The following RBFOX1 variants were observed in gnomAD, a reference collection of about 807,000 sequenced individuals.
RBFOX1 encodes the protein RNA binding fox-1 homolog 1, also known as RNA binding protein fox-1 homolog 1.
In RBFOX1, 8 loss-of-function variants were observed where a neutral mutation model predicts 57.7. The ratio of observed to expected loss-of-function variants is 0.14; its 90% CI spans 0.08 to 0.25. The LOEUF (loss-of-function observed/expected upper bound fraction) is 0.25. Among genes scored for constraint, RBFOX1 ranks in the 10% least tolerant of loss-of-function variants. RBFOX1 has a pLI of 1.00. For missense variants in RBFOX1, 611 were observed against 548.5 expected, an observed-to-expected ratio of 1.11 and a Z score of -1.14; for synonymous variants, 326 against 222.4, an observed-to-expected ratio of 1.47 and a Z score of -4.15.
At chr16:7,446,752 C>T (rs2098810921) in intron 4 of RBFOX1, among the ~76,000 whole-genome samples, 2 of 144,782 alleles carry the variant, frequency 1.4e-5, no homozygotes, top group Admixed American at 1.4e-4. Flanking sequence ...CCACTGTCAA[C>T]TTAAGCTCAC....
Position 6,869,193 on chromosome 16 carries a change from C to G in RBFOX1, c.-15-182864C>G, listed in dbSNP as rs554250309. Among the ~76,000 whole-genome samples the G allele has an allele frequency of 3.9e-5, 6 of 152,296 alleles. No individual in the cohort carries two copies. In the East Asian group the frequency reaches 1.2e-3, roughly 29 times the overall value. On this transcript the variant is annotated intron_variant, in intron 3 of 15. Transcript: ENST00000550418. ...CTGCTGCTTTGCACGCTCATCTCTT[C>G]CTTCCCCCACTTGCCATTATCAGCA...
chr16:7,399,165 G>T (rs999121309), intron 4 of RBFOX1, among the ~76,000 whole-genome samples: 10 of 152,130 alleles, frequency 6.6e-5, no homozygotes, highest in Non-Finnish European at 1.3e-4. Flanking sequence ...AAGCAATGTC[G>T]GGCCAGGTGC....
chr16:5,911,865 C>T (rs2058609894), intron 4 of RBFOX1, among the ~76,000 whole-genome samples: 1 of 152,154 alleles, frequency 6.6e-6, no homozygotes, highest in Non-Finnish European at 1.5e-5. Flanking sequence ...CCCATGGCCT[C>T]ATACCCTCCC....
At chr16:6,394,563 T>G (rs1200987374) in intron 2 of RBFOX1, among the ~76,000 whole-genome samples, 1 of 151,830 alleles carries the variant, frequency 6.6e-6, no homozygotes. Context: ...CGAGCTAGAA[T>G]AAGAGGAGAA....
intron 4 of RBFOX1, among the ~76,000 whole-genome samples, chr16:7,453,325 T>A (rs572125148): frequency 6.6e-6 from 1 of 151,926 alleles, no homozygotes; most frequent in South Asian, 2.1e-4. Context: ...TTAGTGAGTA[T>A]GAGGAATGGA....
intron 4 of RBFOX1, among the ~76,000 whole-genome samples, chr16:7,113,981 G>A (rs897703627): frequency 3.3e-5 from 5 of 152,066 alleles, no homozygotes; most frequent in East Asian, 1.9e-4. Context: ...CTTTTGCATC[G>A]TGAGTGCTTA....
chr16:7,316,198 A>C (rs533116244), intron 4 of RBFOX1, among the ~76,000 whole-genome samples: 193 of 152,372 alleles, frequency 1.3e-3, no homozygotes, highest in African/African-American at 4.5e-3. Context: ...CAACTTTTCA[A>C]AATAATGATG....
chr16:7,409,015 C>T (rs754972826), intron 4 of RBFOX1, among the ~76,000 whole-genome samples: 5 of 152,142 alleles, frequency 3.3e-5, no homozygotes, highest in Non-Finnish European at 1.5e-5. Flanking sequence ...CTACTTTCTC[C>T]TGGGCTGGGC....
Position 5,351,313 on chromosome 16 carries a change from C to T in RBFOX1, c.219+111208C>T, listed in dbSNP as rs570436797. Among the ~76,000 whole-genome samples, 40 of 152,268 alleles carry T rather than the reference C, an allele frequency of 2.6e-4. 1 individual carries two copies. Among genetic ancestry groups the T allele is most frequent in the African/African-American group, 8.7e-4 (36 of 41,556 alleles). On this transcript the variant is annotated intron_variant, in intron 1 of 2. Transcript: ENST00000585867. ...GGCTTTGACATACATGATAGAATTC[C>T]GTCTTCTAACTACTCTAGAAGGTAG...
intron 2 of RBFOX1, among the ~76,000 whole-genome samples, chr16:5,505,138 C>G (rs1409022925): frequency 1.3e-5 from 2 of 152,160 alleles, no homozygotes; most frequent in Non-Finnish European, 2.9e-5. Flanking sequence ...CTCAGTAAAG[C>G]TGTTATTAAA....
chr16:7,468,212 C>G (rs1372852414), intron 4 of RBFOX1, among the ~76,000 whole-genome samples: 1 of 152,190 alleles, frequency 6.6e-6, no homozygotes, highest in Non-Finnish European at 1.5e-5. Context: ...GGTAAGGAGA[C>G]AATGAGCAAG....
intron 4 of RBFOX1, among the ~76,000 whole-genome samples, chr16:7,393,280 C>G (rs998292012): frequency 2.0e-5 from 3 of 152,150 alleles, no homozygotes; most frequent in Non-Finnish European, 4.4e-5. Context: ...CACTTCAGAC[C>G]TTAATCCTTA....
intron 3 of RBFOX1, among the ~76,000 whole-genome samples, chr16:5,833,742 G>A (rs1338852373): frequency 6.6e-6 from 1 of 152,118 alleles, no homozygotes; most frequent in Non-Finnish European, 1.5e-5. Context: ...GAGAAAGAAG[G>A]AGAGACACAT....
At chr16:7,067,215 G>C (rs1345693793) in intron 4 of RBFOX1, among the ~76,000 whole-genome samples, 1 of 152,138 alleles carries the variant, frequency 6.6e-6, no homozygotes, top group Non-Finnish European at 1.5e-5. Context: ...AATTAAAGCA[G>C]AGTTCTTCCA....
intron 4 of RBFOX1, among the ~76,000 whole-genome samples, chr16:7,500,840 G>T (rs1407764736): frequency 6.6e-6 from 1 of 152,182 alleles, no homozygotes; most frequent in Non-Finnish European, 1.5e-5. Flanking sequence ...TAATCCCCAT[G>T]TCTCGTGAGA....
intron 2 of RBFOX1, among the ~76,000 whole-genome samples, chr16:5,497,088 G>A (rs1244430730): frequency 6.6e-6 from 1 of 152,086 alleles, no homozygotes; most frequent in Non-Finnish European, 1.5e-5. Flanking sequence ...CTTCTCATAT[G>A]AAATAATAAT....
intron 2 of RBFOX1, among the ~76,000 whole-genome samples, chr16:6,354,176 TGCTA>T (rs1359451918): frequency 6.6e-6 from 1 of 152,032 alleles, no homozygotes; most frequent in African/African-American, 2.4e-5. Context: ...GCCGAGATCA[TGCTA>T]GTGCACCCCA....
intron 3 of RBFOX1, among the ~76,000 whole-genome samples, chr16:6,941,617 C>T (rs184930765): frequency 3.3e-5 from 5 of 151,838 alleles, no homozygotes; most frequent in African/African-American, 1.2e-4. Flanking sequence ...CCCTCCTCTG[C>T]CCTTCATACC....
At chr16:6,940,751 C>A (rs976995641) in intron 3 of RBFOX1, among the ~76,000 whole-genome samples, 1 of 148,906 alleles carries the variant, frequency 6.7e-6, no homozygotes, top group Non-Finnish European at 1.5e-5. Context: ...GCGCCCGCCA[C>A]CATGTCCCGC....
Sources: gnomAD v4.1 joint callset for allele counts (sites outside exome capture counted in the v4.1 genomes callset) on GRCh38, gnomAD v4.1.1 for gene constraint, MANE v1.5 for transcripts, NCBI Gene and HGNC (gene_info 2026-07-23, HGNC 2026-07-21) for gene names.